ZBBX: variants seen among roughly 807,000 people sequenced by gnomAD.
The protein encoded by ZBBX is zinc finger B-box domain containing.
ZBBX carries 101 observed loss-of-function variants against 108.5 expected under a neutral mutation model. The ratio of observed to expected loss-of-function variants is 0.93; its 90% CI spans 0.79 to 1.10. The LOEUF (loss-of-function observed/expected upper bound fraction) is 1.10. ZBBX is among the 50% of genes least tolerant of loss of function. ZBBX has a pLI of 0.00. For synonymous variants in ZBBX, 356 were observed against 323.4 expected, an observed-to-expected ratio of 1.10 and a Z score of -1.08; for missense variants, 1,009 against 941.4, an observed-to-expected ratio of 1.07 and a Z score of -0.94.
chr3:167,205,331 G>A, the ZBBX span, among the ~76,000 whole-genome samples: 65 of 152,146 alleles, frequency 4.3e-4, no homozygotes, highest in African/African-American at 1.2e-3. Flanking sequence ...CAGGATTGGG[G>A]TGAAGTAACT....
In ZBBX at chr3:167,331,656, G is replaced by T. The variant is rs144621451; in HGVS notation, c.687+2171C>A. On this transcript the variant is annotated intron_variant, in intron 10 of 21. Coordinates refer to ENST00000675490, the MANE Select transcript of ZBBX (RefSeq NM_001199201.2). ...TCAGCTCAAAACTGTCATATATCAC[G>T]TCCACTCAGAGTCCAATATGACCTT... 733 of 982,944 alleles carry T rather than the reference G, an allele frequency of 7.5e-4. 3 individuals are homozygous for T. The African/African-American group carries it at 0.012, about 16-fold the overall frequency. The allele number at this position is 982,944 out of a possible 1,614,324, so 60.9% of individuals were successfully genotyped here.
At chr3:167,185,630 G>A in the ZBBX span, among the ~76,000 whole-genome samples, 1 of 152,082 alleles carries the variant, frequency 6.6e-6, no homozygotes, top group African/African-American at 2.4e-5. Flanking sequence ...CTTTTTGATA[G>A]CACATAAAAA....
intron 20 of ZBBX, among the ~76,000 whole-genome samples, chr3:167,256,218 C>T (rs542320560): frequency 2.8e-4 from 43 of 152,182 alleles, no homozygotes; most frequent in African/African-American, 1.0e-3. Context: ...TTAATGAATA[C>T]TTAGGTTACA....
the ZBBX span, among the ~76,000 whole-genome samples, chr3:167,184,911 A>C: frequency 3.3e-5 from 5 of 152,202 alleles, no homozygotes; most frequent in African/African-American, 1.2e-4. Flanking sequence ...CATTATTGTC[A>C]ACAATACTGT....
At chr3:167,341,869 T>C (rs972197522) in intron 9 of ZBBX, among the ~76,000 whole-genome samples, 1 of 151,920 alleles carries the variant, frequency 6.6e-6, no homozygotes, top group East Asian at 1.9e-4. Context: ...GCAACAAAAT[T>C]TGTCATATTT....
At chr3:167,273,223 C>A (rs1189600631) in intron 20 of ZBBX, among the ~76,000 whole-genome samples, 3 of 152,120 alleles carry the variant, frequency 2.0e-5, no homozygotes, top group African/African-American at 7.2e-5. Context: ...GAAATTGAAA[C>A]AGGATATCAA....
Position 167,282,238 on chromosome 3 carries a change from C to T in ZBBX, c.2254G>A (p.Asp752Asn). 1.9e-6 allele frequency: 3 copies of T among 1,606,272 alleles called. No homozygotes were observed. The highest frequency in any genetic ancestry group is 2.5e-6 in the Non-Finnish European group (3 of 1,176,856). The stretch of plus-strand genomic sequence containing the variant: ...AAAGTGAAAAAAAAAATAGGATTAC[C>T]TGCAAGAGATCTCAGCACTTGTAAT... ...KELQVLRSLA[D>N]TSEKLYSLTS... The change falls in exon 20 of 22, where the codon GAT becomes AAT. Residue 752 changes from aspartate to asparagine, a missense_variant and splice_region_variant. Coordinates refer to ENST00000675490, the MANE Select transcript of ZBBX (RefSeq NM_001199201.2).
At chr3:167,233,520 C>A in the ZBBX span, among the ~76,000 whole-genome samples, 4 of 151,704 alleles carry the variant, frequency 2.6e-5, no homozygotes, top group Non-Finnish European at 4.4e-5. Context: ...CACCCATGAT[C>A]ATCAATGGCC....
intron 6 of ZBBX, among the ~76,000 whole-genome samples, chr3:167,360,996 A>G (rs962803221): frequency 1.3e-5 from 2 of 152,066 alleles, no homozygotes; most frequent in African/African-American, 2.4e-5. Context: ...AAAAACCATT[A>G]TATCTCATTA....
At chr3:167,234,090 T>C in the ZBBX span, among the ~76,000 whole-genome samples, 2 of 151,852 alleles carry the variant, frequency 1.3e-5, no homozygotes, top group Non-Finnish European at 2.9e-5. Flanking sequence ...GGAAAGCAAT[T>C]AATCTCTCAT....
intron 8 of ZBBX, among the ~76,000 whole-genome samples, chr3:167,353,352 T>C (rs979797697): frequency 6.6e-5 from 10 of 151,918 alleles, no homozygotes; most frequent in Admixed American, 3.9e-4. Flanking sequence ...TGAAAGGAAC[T>C]AGATGGAGGC....
chr3:167,388,425 A>G (rs1747986787), intron 1 of ZBBX, among the ~76,000 whole-genome samples: 1 of 151,860 alleles, frequency 6.6e-6, no homozygotes, highest in Non-Finnish European at 1.5e-5. Context: ...TTATATTTTT[A>G]TAAGATAACA....
At chr3:167,346,385 C>T (rs1345833827) in intron 9 of ZBBX, among the ~76,000 whole-genome samples, 2 of 151,726 alleles carry the variant, frequency 1.3e-5, no homozygotes, top group Admixed American at 6.6e-5. Flanking sequence ...AAATATTTGC[C>T]TTCAATTTTT....
chr3:167,387,221 G>A (rs1747947037), intron 1 of ZBBX, among the ~76,000 whole-genome samples: 1 of 151,934 alleles, frequency 6.6e-6, no homozygotes, highest in Admixed American at 6.6e-5. Flanking sequence ...TATGCTTTAG[G>A]CATTCTTACA....
At chr3:167,303,646 C>A (rs975546753) in intron 17 of ZBBX, among the ~76,000 whole-genome samples, 1 of 152,108 alleles carries the variant, frequency 6.6e-6, no homozygotes, top group Non-Finnish European at 1.5e-5. Flanking sequence ...GAAAGTTTTG[C>A]AAGCCTTAGA....
At chr3:167,298,581 T>C (rs537064824) in intron 17 of ZBBX, 123 bp from the exon 18 acceptor site, 1 of 658,402 alleles carries the variant, frequency 1.5e-6, no homozygotes, top group African/African-American at 1.9e-5. Flanking sequence ...TCATCAAGTT[T>C]AGTTTCTAAC....
chr3:167,221,967 G>A, the ZBBX span, among the ~76,000 whole-genome samples: 2 of 151,898 alleles, frequency 1.3e-5, no homozygotes, highest in African/African-American at 4.8e-5. Flanking sequence ...TTGTTGGTGA[G>A]GATGTAAATT....
chr3:167,350,597 T>C, intron 8 of ZBBX, 82 bp from the exon 9 acceptor site: 1 of 968,902 alleles, frequency 1.0e-6, no homozygotes, highest in Non-Finnish European at 1.5e-6. Context: ...AGATGTCTTG[T>C]TTTTTAATAT....
chr3:167,271,243 C>T (rs957534436), intron 20 of ZBBX, among the ~76,000 whole-genome samples: 1 of 152,178 alleles, frequency 6.6e-6, no homozygotes, highest in Non-Finnish European at 1.5e-5. Flanking sequence ...ACCTTGTTCA[C>T]AAGGAGTTAA....
Sources: allele counts gnomAD v4.1 joint callset (sites outside exome capture counted in the v4.1 genomes callset), GRCh38; gene constraint gnomAD v4.1.1; transcripts MANE v1.5; gene names NCBI Gene and HGNC (gene_info 2026-07-23, HGNC 2026-07-21).